UNC79: variants seen among roughly 807,000 people sequenced by gnomAD.
The protein encoded by UNC79 is unc-79 subunit of NALCN channel complex, also known as protein unc-79 homolog.
UNC79 carries 37 observed loss-of-function variants against 283.1 expected under a neutral mutation model. The ratio of observed to expected loss-of-function variants is 0.13; its 90% confidence interval spans 0.10 to 0.17. The LOEUF (loss-of-function observed/expected upper bound fraction) is 0.17. Among genes scored for constraint, UNC79 ranks in the 10% least tolerant of loss-of-function variants. The pLI is 1.00. For missense variants in UNC79, 2,272 were observed against 3,211.1 expected (o/e 0.71, Z 7.07); for synonymous variants, 1,107 against 1,200.2 (o/e 0.92, Z 1.61).
intron 1 of UNC79, among the ~76,000 whole-genome samples, chr14:93,455,114 T>C (rs147690340): frequency 6.6e-6 from 1 of 152,326 alleles, no homozygotes; most frequent in East Asian, 1.9e-4. Flanking sequence ...TATGCAAATA[T>C]TTGGAAGAGC....
intron 1 of UNC79, among the ~76,000 whole-genome samples, chr14:93,364,111 A>G (rs776894544): frequency 4.8e-4 from 73 of 152,292 alleles, no homozygotes; most frequent in South Asian, 1.0e-3. Context: ...AAACCTTTTT[A>G]GTTGAAGTAT....
chr14:93,349,006 G>A (rs2053927424), intron 1 of UNC79, among the ~76,000 whole-genome samples: 1 of 152,140 alleles, frequency 6.6e-6, no homozygotes, highest in South Asian at 2.1e-4. Flanking sequence ...CTCACTATTT[G>A]GGTCCGTGCC....
At chr14:93,668,978 TAAAAAAAAAA>T (rs543609091) in intron 40 of UNC79, among the ~76,000 whole-genome samples, 3 of 79,926 alleles carry the variant, frequency 3.8e-5, no homozygotes, top group Non-Finnish European at 5.0e-5. Flanking sequence ...GAACATTGTC[TAAAAAAAAAA>T]AAAAAAAAAA....
At chr14:93,447,357 G>C (rs904147233) in intron 1 of UNC79, among the ~76,000 whole-genome samples, 1 of 151,850 alleles carries the variant, frequency 6.6e-6, no homozygotes, top group Non-Finnish European at 1.5e-5. Context: ...AGTTAATAAC[G>C]TACTACCTTA....
intron 7 of UNC79, among the ~76,000 whole-genome samples, chr14:93,504,923 G>C (rs2146510): frequency 0.86 from 130,297 of 152,054 alleles, 55,971 homozygotes; most frequent in East Asian, 0.93. Context: ...ATTTCTAAAT[G>C]CTTCATGGTT....
At chr14:93,392,612 GT>G (rs952025438) in intron 1 of UNC79, among the ~76,000 whole-genome samples, 3 of 151,906 alleles carry the variant, frequency 2.0e-5, no homozygotes, top group South Asian at 2.1e-4. Context: ...CTAAAGAAGT[GT>G]TTTTTTTCTG....
chr14:93,507,888 T>A (rs1245871873), intron 7 of UNC79, among the ~76,000 whole-genome samples: 3 of 152,166 alleles, frequency 2.0e-5, no homozygotes, highest in African/African-American at 7.2e-5. Flanking sequence ...TGGCTATGGC[T>A]TATTGTCTTC....
At position 93,688,799 on chromosome 14, in the gene UNC79, T is replaced by C; in HGVS notation, c.7044T>C (p.Tyr2348=). Residue 2348 remains tyrosine, a synonymous_variant, in exon 44 of 49, where the codon TAT becomes TAC. Coordinates refer to ENST00000555664, the Ensembl canonical transcript of UNC79. The surrounding 1 kb of genome is among the most constrained non-coding windows in gnomAD (Gnocchi z 4.0). ...GAGATAACAAAGCTGTGATCCGCTATCTGCCTTGGCTTTATCATCCCCCCT... is the reference window on the plus strand; with the variant it reads ...GAGATAACAAAGCTGTGATCCGCTACCTGCCTTGGCTTTATCATCCCCCCT... 6.2e-7 allele frequency: 1 copy of C among 1,613,986 alleles called. No homozygotes were observed. Among genetic ancestry groups the C allele is most frequent in the Non-Finnish European group, 8.5e-7 (1 of 1,179,998 alleles).
At chr14:93,346,232 A>G (rs2053824918) in intron 1 of UNC79, among the ~76,000 whole-genome samples, 1 of 152,234 alleles carries the variant, frequency 6.6e-6, no homozygotes, top group Admixed American at 6.5e-5. Flanking sequence ...GAATCCAGAG[A>G]AACCCTAGAG....
intron 27 of UNC79, among the ~76,000 whole-genome samples, chr14:93,616,797 G>A (rs1027222635): frequency 1.3e-5 from 2 of 152,122 alleles, no homozygotes; most frequent in African/African-American, 4.8e-5. Context: ...ATTTCTGCAG[G>A]TGGTTACCAA....
intron 26 of UNC79, among the ~76,000 whole-genome samples, chr14:93,604,610 A>G (rs1055567488): frequency 2.0e-5 from 3 of 152,242 alleles, no homozygotes; most frequent in African/African-American, 7.2e-5. Context: ...TCCCAGCTCT[A>G]TTTATATCCT....
At chr14:93,527,376 G>A (rs895442662) in intron 8 of UNC79, among the ~76,000 whole-genome samples, 7 of 152,182 alleles carry the variant, frequency 4.6e-5, no homozygotes, top group Admixed American at 1.3e-4. Context: ...GGCCCACAAA[G>A]CCTAAAATAT....
At chr14:93,518,156 A>G (rs1376418684) in intron 7 of UNC79, among the ~76,000 whole-genome samples, 1 of 152,192 alleles carries the variant, frequency 6.6e-6, no homozygotes, top group Admixed American at 6.5e-5. Flanking sequence ...CTAATTTCTG[A>G]AAGAGTTTAT....
In UNC79 at chr14:93,706,689, G is replaced by T; in HGVS notation, c.7591-15G>T. 2 of 1,613,872 alleles carry T rather than the reference G, an allele frequency of 1.2e-6. No homozygotes were observed. The highest frequency in any genetic ancestry group is 1.7e-6 in the Non-Finnish European group (2 of 1,179,834). ...GAAAAGAAATAAACTAAAACCTCTT[G>T]CCCTTTTTCGACAGCACTTATCTGC... On this transcript the variant is annotated splice_polypyrimidine_tract_variant and intron_variant, in intron 48 of 48. Transcript: ENST00000555664.
intron 7 of UNC79, among the ~76,000 whole-genome samples, chr14:93,500,521 C>T (rs950125803): frequency 6.6e-6 from 1 of 152,194 alleles, no homozygotes; most frequent in Non-Finnish European, 1.5e-5. Context: ...GGCTGCTGGT[C>T]AGACATTGTT....
chr14:93,532,987 C>A (rs2060900539), intron 11 of UNC79, among the ~76,000 whole-genome samples: 2 of 151,690 alleles, frequency 1.3e-5, no homozygotes, highest in Non-Finnish European at 1.5e-5. Context: ...AAAAACATAC[C>A]CAGACTGACT....
chr14:93,688,007 A>G lies in UNC79; in HGVS notation c.6910-658A>G, dbSNP rs978993225. Among the ~76,000 whole-genome samples, 1 of 152,142 alleles carries G rather than the reference A, an allele frequency of 6.6e-6. No homozygotes were observed. The highest frequency in any genetic ancestry group is 2.4e-5 in the African/African-American group (1 of 41,454). On this transcript the variant is annotated intron_variant, in intron 43 of 48. Coordinates refer to ENST00000555664, the Ensembl canonical transcript of UNC79. The surrounding 1 kb of genome is among the most constrained non-coding windows in gnomAD (Gnocchi z 4.0). ...TAGGACAGACCTGGGTCTAGAACCT[A>G]GGTCTCAATGCCTAGTTCAGTGCCC...
chr14:93,647,586 T>G (rs2069754753), intron 35 of UNC79, among the ~76,000 whole-genome samples: 1 of 152,078 alleles, frequency 6.6e-6, no homozygotes, highest in Non-Finnish European at 1.5e-5. Context: ...GAAAACAGAC[T>G]AATGTGGCTG....
At chr14:93,451,808 C>T (rs1419005092) in intron 1 of UNC79, among the ~76,000 whole-genome samples, 1 of 152,172 alleles carries the variant, frequency 6.6e-6, no homozygotes, top group Non-Finnish European at 1.5e-5. Context: ...GCTTTGGAAT[C>T]AGTTGGTTCT....
Sources: allele counts gnomAD v4.1 joint callset (sites outside exome capture counted in the v4.1 genomes callset), GRCh38; gene constraint gnomAD v4.1.1; non-coding constraint Gnocchi (gnomAD v3.1); transcripts MANE v1.5; gene names NCBI Gene and HGNC (gene_info 2026-07-23, HGNC 2026-07-21).